Variants in APTX observed in about 807,000 individuals in gnomAD.
APTX encodes forkhead-associated domain histidine triad-like protein.
In APTX, 33 loss-of-function variants were observed where a neutral mutation model predicts 42.3. That is an observed-to-expected ratio of 0.78 (90% CI 0.59 to 1.04). The LOEUF is 1.04. APTX is among the 50% of genes least tolerant of loss of function. The pLI, the probability that APTX is intolerant of heterozygous loss-of-function variation, is 0.00. For synonymous variants in APTX, 130 were observed against 146.7 expected, an observed-to-expected ratio of 0.89 and a Z score of 0.82; for missense variants, 421 against 415.1, an observed-to-expected ratio of 1.01 and a Z score of -0.12.
intron 6 of APTX, among the ~76,000 whole-genome samples, chr9:32,977,533 A>C (rs1008779573): frequency 2.7e-5 from 4 of 150,412 alleles, no homozygotes; most frequent in African/African-American, 9.7e-5. Flanking sequence ...TCATTTATAA[A>C]AATGGGGGGG....
At chr9:33,005,778 A>C (rs1306518309), upstream of APTX, among the ~76,000 whole-genome samples, 2 of 152,088 alleles carry the variant, frequency 1.3e-5, no homozygotes, top group East Asian at 1.9e-4. Flanking sequence ...CTCCAACTTC[A>C]ATTTTTTGCA....
intron 1 of APTX, chr9:33,019,656 G>A: frequency 2.3e-6 from 1 of 437,652 alleles, no homozygotes; most frequent in East Asian, 3.6e-5. Context: ...GCACTGCCTA[G>A]GAGGAGACGC....
chr9:33,000,281 T>C (rs1376640675), intron 1 of APTX, among the ~76,000 whole-genome samples: 2 of 152,140 alleles, frequency 1.3e-5, no homozygotes, highest in African/African-American at 4.8e-5. Flanking sequence ...CTCTTGTTAA[T>C]AGCGAAGGTA....
intron 1 of APTX, among the ~76,000 whole-genome samples, chr9:33,020,681 A>G (rs1299609352): frequency 3.9e-5 from 6 of 152,252 alleles, no homozygotes; most frequent in Non-Finnish European, 8.8e-5. Flanking sequence ...GTCACAGGTT[A>G]TATCACCCCA....
chr9:32,978,923 T>C (rs1048572613), intron 6 of APTX, among the ~76,000 whole-genome samples: 14 of 152,230 alleles, frequency 9.2e-5, no homozygotes, highest in African/African-American at 3.4e-4. Context: ...TTTACTATGA[T>C]TGGGCTTCTG....
chr9:32,989,374 C>T (rs534832073), intron 2 of APTX, among the ~76,000 whole-genome samples: 34 of 152,278 alleles, frequency 2.2e-4, no homozygotes, highest in Middle Eastern at 6.8e-3. Flanking sequence ...TAATACTTTG[C>T]GTGAAGCAAT....
At chr9:33,007,333 G>T (rs1430599713) in intron 1 of APTX, among the ~76,000 whole-genome samples, 1 of 152,178 alleles carries the variant, frequency 6.6e-6, no homozygotes, top group African/African-American at 2.4e-5. Flanking sequence ...AAAAACCCCT[G>T]AAGAGTTAGT....
At position 32,987,812 on chromosome 9, in the gene APTX, A is replaced by G; in HGVS notation, c.215T>C (p.Val72Ala). Residue 72 changes from valine (V) to alanine (A), a missense_variant, in exon 4 of 8, where the codon GTA becomes GCA. Physicochemically the swap from Val to Ala is moderately conservative, Grantham distance 64. Transcript: ENST00000379817. ...CTTCACCTCTTGGTCCTTCCCAATT[A>G]CGACTGAGTCAATGCTGGTGGGATT... ...GVNPTSIDSV[V>A]IGKDQEVKLQ... is the part of the protein sequence containing the mutation. 6.2e-7 allele frequency: 1 copy of G among 1,613,926 alleles called. No individual in the cohort carries two copies. Among genetic ancestry groups the G allele is most frequent in the Non-Finnish European group, 8.5e-7 (1 of 1,180,040 alleles).
upstream of APTX, among the ~76,000 whole-genome samples, chr9:33,003,665 C>G (rs1836911004): frequency 6.6e-6 from 1 of 152,158 alleles, no homozygotes; most frequent in South Asian, 2.1e-4. Context: ...AAATAGCTCC[C>G]TATTTTCCCT....
Position 32,989,761 on chromosome 9 carries a change from T to C in APTX, c.131A>G (p.Gln44Arg), listed in dbSNP as rs139479900. 8 of 1,614,124 alleles carry C rather than the reference T, an allele frequency of 5.0e-6. No homozygotes were observed. The East Asian group carries it at 1.6e-4, about 31-fold the overall frequency. Residue 44 changes from glutamine (Q) to arginine (R), a missense_variant and splice_region_variant, in exon 2 of 8, where the codon CAA becomes CGA. Transcript: ENST00000379817. The stretch of plus-strand genomic sequence containing the variant: ...TCCACATTTCTATGACCAGTTACCT[T>C]GCTGTCGAGAACATTTCTTATCAGT... ...KITDKKCSRQ[Q>R]VQLKAECNKG...
At chr9:32,993,719 CTTTTTTTTTT>C (rs1269512640) in intron 1 of APTX, among the ~76,000 whole-genome samples, 1 of 132,984 alleles carries the variant, frequency 7.5e-6, no homozygotes, top group South Asian at 2.4e-4. Flanking sequence ...ACCTCTATAT[CTTTTTTTTTT>C]TTTTTTTTTG....
chr9:33,024,316 T>C (rs1014492641), intron 1 of APTX, among the ~76,000 whole-genome samples: 2 of 152,140 alleles, frequency 1.3e-5, no homozygotes, highest in Non-Finnish European at 2.9e-5. Context: ...CGTGGCAAAC[T>C]CCATCTTTCT....
At chr9:32,982,963 G>C (rs948062677) in intron 6 of APTX, among the ~76,000 whole-genome samples, 1 of 149,752 alleles carries the variant, frequency 6.7e-6, no homozygotes, top group Non-Finnish European at 1.5e-5. Flanking sequence ...CTTCTTTTTT[G>C]AGACAGAGTC....
At chr9:32,989,626 A>G (rs776050219) in intron 2 of APTX, 133 bp downstream of exon 2, 4 of 1,385,968 alleles carry the variant, frequency 2.9e-6, no homozygotes, top group South Asian at 1.2e-5. Flanking sequence ...GTGTTGGCTA[A>G]AAGAGCTCAG....
At chr9:32,982,007 A>C (rs1172514856) in intron 6 of APTX, among the ~76,000 whole-genome samples, 2 of 151,954 alleles carry the variant, frequency 1.3e-5, no homozygotes, top group East Asian at 1.9e-4. Flanking sequence ...AAAAAAAAAA[A>C]CAGTAATTTT....
At chr9:32,996,334 G>T (rs946984499) in intron 1 of APTX, among the ~76,000 whole-genome samples, 5 of 151,554 alleles carry the variant, frequency 3.3e-5, no homozygotes, top group African/African-American at 1.2e-4. Context: ...TGGGTGCAGG[G>T]CGTCATCACA....
In APTX at chr9:32,986,030, C is replaced by T. The variant is rs761075041; in HGVS notation, c.484G>A (p.Glu162Lys). The change falls in exon 5 of 8, where the codon GAA (glutamate) becomes AAA (lysine). Residue 162 changes from glutamate to lysine, a missense_variant and splice_region_variant. By Grantham distance (56) the Glu-to-Lys change is moderately conservative. Transcript: ENST00000379817. ...KKGKDAPIKK[E>K]SLGHWSQGLK... ...CCTTGACTCCAGTGGCCCAGGGATT[C>T]CTAAAAAAAAAACAAAAAAAAAAAC... 4 of 1,228,106 alleles carry T rather than the reference C, an allele frequency of 3.3e-6. No homozygotes were observed. Among genetic ancestry groups the T allele is most frequent in the Non-Finnish European group, 4.5e-6 (4 of 890,596 alleles). The allele number at this position is 1,228,106 out of a possible 1,614,324, so 76.1% of individuals were successfully genotyped here.
At chr9:33,004,419 C>T (rs1537256), upstream of APTX, among the ~76,000 whole-genome samples, 49,289 of 152,050 alleles carry the variant, frequency 0.32, 8,279 homozygotes, top group Non-Finnish European at 0.37. Flanking sequence ...CCTAAAGCCA[C>T]TGAAATTTGT....
In APTX at chr9:33,006,814, C is replaced by CA. The variant is rs1837178962; in HGVS notation, c.-4-16920dup. The stretch of plus-strand genomic sequence containing the variant: ...AGGAGATCGAGACCATCCTGGCTAA[C>CA]ATGGTGAAACCCCGTCTCTACTAAA... On this transcript the variant is annotated intron_variant, in intron 1 of 6. Coordinates refer to the APTX transcript ENST00000436040. Among the ~76,000 whole-genome samples, 3 of 151,754 alleles carry CA rather than the reference C, an allele frequency of 2.0e-5. No individual in the cohort carries two copies. In the South Asian group the frequency reaches 6.2e-4, roughly 32 times the overall value.
Sources: allele counts gnomAD v4.1 joint callset (sites outside exome capture counted in the v4.1 genomes callset), GRCh38; gene constraint gnomAD v4.1.1; transcripts MANE v1.5; gene names NCBI Gene and HGNC (gene_info 2026-07-23, HGNC 2026-07-21).